The following MAMDC2 variants were observed in gnomAD, a reference collection of about 807,000 sequenced individuals.
MAMDC2 encodes MAM domain containing 2, also known as MAM domain-containing protein 2.
Under a neutral mutation model 89.8 loss-of-function variants are expected in MAMDC2, and 57 were observed. That is an observed-to-expected ratio of 0.63 (90% CI 0.51 to 0.79). The LOEUF (loss-of-function observed/expected upper bound fraction) is 0.79, where lower values mean the gene tolerates loss of function less well. Ranked by LOEUF, MAMDC2 falls within the 30% of genes least tolerant of loss-of-function variation. MAMDC2 has a pLI of 0.00. For missense variants in MAMDC2, 800 were observed against 820.6 expected, an observed-to-expected ratio of 0.97 and a Z score of 0.31; for synonymous variants, 313 against 293.4, an observed-to-expected ratio of 1.07 and a Z score of -0.68.
rs141375844 is a variant in MAMDC2 at position 70,192,513 on chromosome 9, C to T, written c.1651+21882C>T. Reference sequence around the variant, plus strand: ...CTGTATCTAAGATTACCTTATTCCACGGTATGCTGCTCTTTGACAAGGGGT... The same window carrying T: ...CTGTATCTAAGATTACCTTATTCCATGGTATGCTGCTCTTTGACAAGGGGT... On this transcript the variant is annotated intron_variant, in intron 11 of 13. Transcript: ENST00000377182. 8.2e-3 allele frequency among the ~76,000 whole-genome samples: 1,242 copies of T among 152,146 alleles called. 14 individuals carry two copies. The highest frequency in any genetic ancestry group is 0.022 in the South Asian group (107 of 4,814).
At chr9:70,129,094 G>C (rs2030685155) in intron 6 of MAMDC2, among the ~76,000 whole-genome samples, 1 of 152,174 alleles carries the variant, frequency 6.6e-6, no homozygotes, top group East Asian at 1.9e-4. Context: ...AGAAAACTGA[G>C]ACCCTGGGAG....
intron 2 of MAMDC2, among the ~76,000 whole-genome samples, chr9:70,083,087 T>A (rs1441187334): frequency 2.0e-5 from 3 of 152,144 alleles, no homozygotes; most frequent in Non-Finnish European, 4.4e-5. Context: ...CAAAAAGGAA[T>A]CATAGGACAT....
chr9:70,197,470 T>G (rs2032995018), intron 11 of MAMDC2, among the ~76,000 whole-genome samples: 1 of 152,074 alleles, frequency 6.6e-6, no homozygotes, highest in Non-Finnish European at 1.5e-5. Flanking sequence ...ACATGTTATC[T>G]ACAAAGGAAG....
At chr9:70,217,434 G>A in intron 11 of MAMDC2, 2 of 1,318,862 alleles carry the variant, frequency 1.5e-6, no homozygotes, top group Non-Finnish European at 2.2e-6. Flanking sequence ...AATTCCAGAG[G>A]GCCATTACTG....
chr9:70,103,729 C>G (rs1828258657), intron 2 of MAMDC2, among the ~76,000 whole-genome samples: 2 of 151,772 alleles, frequency 1.3e-5, no homozygotes, highest in Non-Finnish European at 2.9e-5. Context: ...CTCCTGTAAT[C>G]CTAGCACTTT....
intron 11 of MAMDC2, among the ~76,000 whole-genome samples, chr9:70,193,713 T>G (rs1209022952): frequency 1.3e-5 from 2 of 152,106 alleles, no homozygotes; most frequent in Non-Finnish European, 2.9e-5. Flanking sequence ...GAGCACAGTA[T>G]TTTTCTCCTT....
At chr9:70,127,465 C>T (rs2030605495) in intron 6 of MAMDC2, among the ~76,000 whole-genome samples, 1 of 151,902 alleles carries the variant, frequency 6.6e-6, no homozygotes, top group Non-Finnish European at 1.5e-5. Flanking sequence ...TTATTAATAT[C>T]CTCCACTTTT....
intron 11 of MAMDC2, among the ~76,000 whole-genome samples, chr9:70,214,405 C>CTTT (rs2033409125): frequency 1.3e-5 from 2 of 152,166 alleles, no homozygotes; most frequent in East Asian, 3.9e-4. Flanking sequence ...AGGAATAATA[C>CTTT]AAAGGCCAGT....
At chr9:70,208,040 T>C (rs1236994389) in intron 11 of MAMDC2, among the ~76,000 whole-genome samples, 1 of 152,230 alleles carries the variant, frequency 6.6e-6, no homozygotes, top group Non-Finnish European at 1.5e-5. Context: ...TGTAGCCTTG[T>C]AGTATAGTTT....
intron 2 of MAMDC2, among the ~76,000 whole-genome samples, chr9:70,094,256 G>C (rs1827973023): frequency 1.3e-5 from 2 of 152,212 alleles, no homozygotes; most frequent in Admixed American, 1.3e-4. Flanking sequence ...AAGCAATGCT[G>C]ACCTCACCAT....
chr9:70,135,473 AT>A (rs5898120), intron 7 of MAMDC2, among the ~76,000 whole-genome samples: 3 of 151,740 alleles, frequency 2.0e-5, no homozygotes, highest in Non-Finnish European at 4.4e-5. Context: ...TGCTTTTGAG[AT>A]TTTTTTTTAT....
chr9:70,184,778 C>T (rs145009711), intron 11 of MAMDC2, among the ~76,000 whole-genome samples: 1 of 152,152 alleles, frequency 6.6e-6, no homozygotes, highest in South Asian at 2.1e-4. Context: ...TTAGCAGTTC[C>T]TGTAACCTTT....
intron 2 of MAMDC2, among the ~76,000 whole-genome samples, chr9:70,045,226 G>C (rs1300851781): frequency 6.6e-6 from 1 of 152,172 alleles, no homozygotes; most frequent in East Asian, 1.9e-4. Context: ...ACTCCTGTTT[G>C]TAATCCTGCC....
At chr9:70,211,037 A>G (rs1407132275) in intron 11 of MAMDC2, among the ~76,000 whole-genome samples, 1 of 151,898 alleles carries the variant, frequency 6.6e-6, no homozygotes, top group East Asian at 1.9e-4. Flanking sequence ...GGGTAACCTG[A>G]CCTTTCTGGC....
intron 6 of MAMDC2, among the ~76,000 whole-genome samples, chr9:70,128,381 A>T (rs1377375818): frequency 6.6e-6 from 1 of 152,178 alleles, no homozygotes; most frequent in Non-Finnish European, 1.5e-5. Context: ...CCCTTCTCAT[A>T]AGTCCACATC....
intron 11 of MAMDC2, among the ~76,000 whole-genome samples, chr9:70,179,456 G>A (rs1030952275): frequency 4.6e-5 from 7 of 151,274 alleles, no homozygotes; most frequent in South Asian, 2.1e-4. Context: ...CCCGGAAGGC[G>A]GAGCTTGCAG....
At chr9:70,175,304 G>C (rs1313109359) in intron 11 of MAMDC2, among the ~76,000 whole-genome samples, 1 of 152,192 alleles carries the variant, frequency 6.6e-6, no homozygotes, top group Non-Finnish European at 1.5e-5. Flanking sequence ...TATTAGCAAT[G>C]AGGGTGGTGA....
intron 11 of MAMDC2, chr9:70,216,289 TCACA>T (rs1221693345): frequency 1.3e-5 from 2 of 152,210 alleles, no homozygotes; most frequent in African/African-American, 4.8e-5. Flanking sequence ...AACTTACCTC[TCACA>T]GTTGTGGAGG....
chr9:70,196,069 G>A (rs1052065746), intron 11 of MAMDC2, among the ~76,000 whole-genome samples: 2 of 152,068 alleles, frequency 1.3e-5, no homozygotes, highest in African/African-American at 2.4e-5. Context: ...ATTTCTTAAC[G>A]TGGCGGCAAG....
Sources: allele counts gnomAD v4.1 joint callset (sites outside exome capture counted in the v4.1 genomes callset), GRCh38; gene constraint gnomAD v4.1.1; transcripts MANE v1.5; gene names NCBI Gene and HGNC (gene_info 2026-07-23, HGNC 2026-07-21).